NELL1: variants seen among roughly 807,000 people sequenced by gnomAD.
The protein encoded by NELL1 is protein kinase C-binding protein NELL1.
Under a neutral mutation model 107.4 loss-of-function variants are expected in NELL1, and 76 were observed. That is an observed-to-expected ratio of 0.71 (90% confidence interval 0.59 to 0.86). The LOEUF is 0.86. Ranked by LOEUF, NELL1 falls within the 40% of genes least tolerant of loss-of-function variation. The probability of loss-of-function intolerance (pLI) is 0.00; values close to 1 mark genes in which losing one functional copy is unlikely to be tolerated. For missense variants in NELL1, 1,024 were observed against 1,005.5 expected (o/e 1.02, Z -0.25); for synonymous variants, 353 against 341.2 (o/e 1.03, Z -0.38).
chr11:21,393,925 T>C (rs1851930655), intron 15 of NELL1, among the ~76,000 whole-genome samples: 1 of 151,690 alleles, frequency 6.6e-6, no homozygotes, highest in African/African-American at 2.4e-5. Flanking sequence ...GTCTGGGTAT[T>C]GGAAGAGCTT....
At chr11:21,164,227 T>C (rs984207322) in intron 13 of NELL1, among the ~76,000 whole-genome samples, 3 of 152,182 alleles carry the variant, frequency 2.0e-5, no homozygotes, top group Non-Finnish European at 4.4e-5. Context: ...AAACTGTGCA[T>C]TGTTTTTATA....
chr11:20,891,920 A>G (rs1849624558), intron 5 of NELL1, among the ~76,000 whole-genome samples: 2 of 152,202 alleles, frequency 1.3e-5, no homozygotes, highest in African/African-American at 4.8e-5. Flanking sequence ...ATAGTGAGAG[A>G]CTTTAACACC....
intron 5 of NELL1, among the ~76,000 whole-genome samples, chr11:20,886,797 C>T (rs984077425): frequency 2.6e-5 from 4 of 152,032 alleles, no homozygotes; most frequent in South Asian, 2.1e-4. Flanking sequence ...CAAACCTGCA[C>T]GTTGTGCACA....
intron 14 of NELL1, among the ~76,000 whole-genome samples, chr11:21,234,107 A>T (rs1249795754): frequency 6.6e-6 from 1 of 152,234 alleles, no homozygotes; most frequent in Non-Finnish European, 1.5e-5. Context: ...CTATGTGTAA[A>T]GCATATGCAT....
chr11:21,097,648 C>T (rs1477465144), intron 12 of NELL1, among the ~76,000 whole-genome samples: 1 of 152,056 alleles, frequency 6.6e-6, no homozygotes, highest in Non-Finnish European at 1.5e-5. Flanking sequence ...TGACGGGAAG[C>T]AGGGTAGGCT....
chr11:21,495,848 G>A (rs1207699091), intron 15 of NELL1, among the ~76,000 whole-genome samples: 1 of 151,922 alleles, frequency 6.6e-6, no homozygotes, highest in Non-Finnish European at 1.5e-5. Flanking sequence ...CATTAAAAAC[G>A]GGTTGTCTCT....
rs946201837 is a variant in NELL1 at position 21,443,095 on chromosome 11, C to T, written c.1645+72147C>T. ...TCTGGAGGCTGAGAAGTCCAAGATC[C>T]AAGATTGACGGGACATATCCAGTGA... On this transcript the variant is annotated intron_variant, in intron 15 of 19. Coordinates refer to ENST00000357134, the MANE Select transcript of NELL1 (RefSeq NM_006157.5). Among the ~76,000 whole-genome samples, 4 of 151,912 alleles carry T rather than the reference C, an allele frequency of 2.6e-5. No homozygotes were observed. In the East Asian group the frequency reaches 7.8e-4, roughly 29 times the overall value.
intron 15 of NELL1, among the ~76,000 whole-genome samples, chr11:21,486,814 A>G (rs1369421907): frequency 6.6e-6 from 1 of 152,136 alleles, no homozygotes; most frequent in Non-Finnish European, 1.5e-5. Flanking sequence ...TGAAGAAATC[A>G]TTGAATGAAA....
chr11:21,164,252 T>C (rs1048777839), intron 13 of NELL1, among the ~76,000 whole-genome samples: 2 of 152,232 alleles, frequency 1.3e-5, no homozygotes, highest in Admixed American at 1.3e-4. Flanking sequence ...GGTTTTTTCA[T>C]TGTTTTCTCT....
intron 5 of NELL1, among the ~76,000 whole-genome samples, chr11:20,887,442 C>T (rs1368268246): frequency 6.6e-6 from 1 of 152,150 alleles, no homozygotes; most frequent in South Asian, 2.1e-4. Flanking sequence ...AGCAGCTGTG[C>T]CAGTTTTTGC....
At chr11:21,530,953 A>G (rs538424105) in intron 15 of NELL1, among the ~76,000 whole-genome samples, 1 of 152,190 alleles carries the variant, frequency 6.6e-6, no homozygotes, top group East Asian at 1.9e-4. Context: ...TGGTACTCCC[A>G]CTTCCAGGTA....
intron 12 of NELL1, among the ~76,000 whole-genome samples, chr11:21,103,653 G>T (rs1854877310): frequency 6.6e-6 from 1 of 152,132 alleles, no homozygotes. Context: ...AGACAGCTTT[G>T]CTGGTAGTAT....
chr11:20,877,711 G>C (rs1849332229), intron 4 of NELL1, among the ~76,000 whole-genome samples: 1 of 152,112 alleles, frequency 6.6e-6, no homozygotes, highest in Admixed American at 6.6e-5. Flanking sequence ...GTTACTCTTT[G>C]CCTTGTCCTC....
intron 12 of NELL1, among the ~76,000 whole-genome samples, chr11:21,011,010 T>C (rs996016275): frequency 6.6e-6 from 1 of 152,106 alleles, no homozygotes; most frequent in Non-Finnish European, 1.5e-5. Flanking sequence ...CAAATCACCT[T>C]GATTGGGGGT....
At position 20,927,335 on chromosome 11, in the gene NELL1, C is replaced by G. The variant is rs781747627; in HGVS notation, c.787C>G (p.Gln263Glu). 2 of 1,612,182 alleles carry G rather than the reference C, an allele frequency of 1.2e-6. No homozygotes were observed. Among genetic ancestry groups the G allele is most frequent in the Non-Finnish European group, 1.7e-6 (2 of 1,179,478 alleles). ...AAATTATGCAGAGACAAGACTTAGT[C>G]AATTGGAAAACTGTCATTGTGAGAA... ...KLNYAETRLSQLENCHCEKTC... is the reference protein window; with the variant it reads ...KLNYAETRLSELENCHCEKTC... Residue 263 changes from glutamine (Q) to glutamate (E), a missense_variant, in exon 8 of 20, where the codon CAA (glutamine) becomes GAA (glutamate). Coordinates refer to ENST00000357134, the MANE Select transcript of NELL1 (RefSeq NM_006157.5).
chr11:21,197,626 C>T (rs529241489), intron 13 of NELL1, among the ~76,000 whole-genome samples: 6 of 152,070 alleles, frequency 3.9e-5, no homozygotes, highest in Non-Finnish European at 8.8e-5. Flanking sequence ...TGCAAAATTG[C>T]CCCTTCTTGG....
intron 2 of NELL1, among the ~76,000 whole-genome samples, chr11:20,702,766 T>C (rs1183990351): frequency 6.6e-6 from 1 of 152,204 alleles, no homozygotes; most frequent in Admixed American, 6.5e-5. Flanking sequence ...TATTGAGAAA[T>C]CATGTAGTTT....
chr11:20,826,662 C>T (rs923635927), intron 3 of NELL1, among the ~76,000 whole-genome samples: 1 of 151,098 alleles, frequency 6.6e-6, no homozygotes, highest in Non-Finnish European at 1.5e-5. Flanking sequence ...GGGGGATTGA[C>T]ACCCCTTCAG....
chr11:21,282,167 A>G (rs1849010911), intron 14 of NELL1, among the ~76,000 whole-genome samples: 1 of 152,194 alleles, frequency 6.6e-6, no homozygotes, highest in African/African-American at 2.4e-5. Flanking sequence ...AAATCTAACA[A>G]TCTAATTAAA....
Sources: gnomAD v4.1 joint callset for allele counts (sites outside exome capture counted in the v4.1 genomes callset) on GRCh38, gnomAD v4.1.1 for gene constraint, MANE v1.5 for transcripts, NCBI Gene and HGNC (gene_info 2026-07-23, HGNC 2026-07-21) for gene names.